The following FAM227B variants were observed in gnomAD, a reference collection of about 807,000 sequenced individuals.
FAM227B encodes protein FAM227B.
In FAM227B, 88 loss-of-function variants were observed where a neutral mutation model predicts 73.8. That is an observed-to-expected ratio of 1.19 (90% CI 1.00 to 1.42). FAM227B has a LOEUF of 1.42. Among genes scored for constraint, FAM227B ranks in the 40% most tolerant of loss-of-function variants. FAM227B has a pLI of 0.00. For synonymous variants in FAM227B, 210 were observed against 190.5 expected, an observed-to-expected ratio of 1.10 and a Z score of -0.84; for missense variants, 632 against 590.9, an observed-to-expected ratio of 1.07 and a Z score of -0.72.
chr15:49,429,439 G>A (rs2050402821), intron 11 of FAM227B, among the ~76,000 whole-genome samples: 1 of 151,932 alleles, frequency 6.6e-6, no homozygotes, highest in African/African-American at 2.4e-5. Context: ...ATTGCCACGA[G>A]TGCATCTCTT....
chr15:49,599,179 T>C (rs1182411313), intron 3 of FAM227B, among the ~76,000 whole-genome samples: 4 of 152,082 alleles, frequency 2.6e-5, no homozygotes, highest in Non-Finnish European at 4.4e-5. Context: ...GTAGGTTGTA[T>C]GTTTCAAGGA....
intron 11 of FAM227B, among the ~76,000 whole-genome samples, chr15:49,396,891 T>TG (rs1359789726): frequency 5.3e-5 from 8 of 151,834 alleles, no homozygotes; most frequent in Non-Finnish European, 7.4e-5. Context: ...ACCACAAAGA[T>TG]GGGGAAAAAA....
Position 49,587,693 on chromosome 15 carries a change from T to C in FAM227B, c.405+323A>G, listed in dbSNP as rs1051806895. On this transcript the variant is annotated intron_variant, in intron 5 of 15. Coordinates refer to ENST00000299338, the MANE Select transcript of FAM227B (RefSeq NM_152647.3). ...AAGTAAAGGTCATCAAAAAGAATTA[T>C]TAATTTTCTAAAATAAGAGGGCTGA... 2.0e-5 allele frequency among the ~76,000 whole-genome samples: 3 copies of C among 152,122 alleles called. 1 individual carries two copies. Among genetic ancestry groups the C allele is most frequent in the African/African-American group, 7.2e-5 (3 of 41,438 alleles).
chr15:49,565,611 G>A (rs2152344710), intron 9 of FAM227B, among the ~76,000 whole-genome samples: 1 of 152,198 alleles, frequency 6.6e-6, no homozygotes, highest in South Asian at 2.1e-4. Flanking sequence ...TTTAGAATTA[G>A]AAAGTCTCTT....
At chr15:49,376,723 A>C (rs11070689) in intron 11 of FAM227B, among the ~76,000 whole-genome samples, 144,985 of 152,088 alleles carry the variant, frequency 0.95, 69,178 homozygotes, top group African/African-American at 0.99. Flanking sequence ...AATATTAAAT[A>C]TTCCAATACA....
At chr15:49,416,733 C>G (rs1240806803) in intron 11 of FAM227B, among the ~76,000 whole-genome samples, 1 of 151,412 alleles carries the variant, frequency 6.6e-6, no homozygotes, top group East Asian at 1.9e-4. Context: ...AAAGCCAAAT[C>G]AGGAACACAA....
intron 11 of FAM227B, among the ~76,000 whole-genome samples, chr15:49,443,159 A>C (rs2051832160): frequency 6.6e-6 from 1 of 151,710 alleles, no homozygotes; most frequent in African/African-American, 2.4e-5. Flanking sequence ...AATTTTCAAA[A>C]ATTTTGTTAA....
intron 3 of FAM227B, among the ~76,000 whole-genome samples, chr15:49,594,357 T>C (rs1303723675): frequency 6.6e-6 from 1 of 152,184 alleles, no homozygotes; most frequent in Non-Finnish European, 1.5e-5. Context: ...ACAAAGACTT[T>C]TTTGCAACTC....
At chr15:49,524,425 C>T (rs183746651) in intron 10 of FAM227B, among the ~76,000 whole-genome samples, 17 of 152,230 alleles carry the variant, frequency 1.1e-4, no homozygotes, top group African/African-American at 3.9e-4. Context: ...TGGGAACGTC[C>T]GCCTAGATTT....
chr15:49,614,021 G>A (rs1020538880), intron 2 of FAM227B, among the ~76,000 whole-genome samples: 2 of 152,258 alleles, frequency 1.3e-5, no homozygotes, highest in South Asian at 2.1e-4. Context: ...CAAATATACA[G>A]AATCAAACTT....
At chr15:49,554,865 T>G (rs2073468551) in intron 9 of FAM227B, among the ~76,000 whole-genome samples, 1 of 152,212 alleles carries the variant, frequency 6.6e-6, no homozygotes, top group Non-Finnish European at 1.5e-5. Context: ...ATTCTGCCAT[T>G]GTGCTCTGCC....
intron 11 of FAM227B, among the ~76,000 whole-genome samples, chr15:49,418,136 A>G (rs1365549604): frequency 1.3e-5 from 2 of 152,222 alleles, no homozygotes; most frequent in African/African-American, 4.8e-5. Context: ...ATCAGTCAGA[A>G]TGGCTATTAC....
In FAM227B at chr15:49,544,461, A is replaced by C. The variant is rs146419070; in HGVS notation, c.748-2655T>G. 5.1e-4 allele frequency among the ~76,000 whole-genome samples: 77 copies of C among 152,242 alleles called. 1 individual carries two copies. The East Asian group carries it at 0.015, about 29-fold the overall frequency. On this transcript the variant is annotated intron_variant, in intron 9 of 15. Transcript: ENST00000299338. ...AATCATATCATCAGAAAACAGTGAC[A>C]GTATGACTTCCTTTTTACTCATCTG...
intron 3 of FAM227B, among the ~76,000 whole-genome samples, chr15:49,603,931 C>A (rs2077356577): frequency 1.3e-5 from 2 of 152,170 alleles, no homozygotes; most frequent in Non-Finnish European, 2.9e-5. Context: ...GTCCTTCATT[C>A]TGTTGATATG....
chr15:49,607,619 T>A (rs187954357), intron 3 of FAM227B, among the ~76,000 whole-genome samples: 1 of 152,360 alleles, frequency 6.6e-6, no homozygotes, highest in African/African-American at 2.4e-5. Flanking sequence ...AGACTTGTTA[T>A]ATCACAATCC....
At chr15:49,611,059 C>T (rs1431391339) in intron 3 of FAM227B, among the ~76,000 whole-genome samples, 156 bp downstream of exon 3, 1 of 151,964 alleles carries the variant, frequency 6.6e-6, no homozygotes, top group Non-Finnish European at 1.5e-5. Context: ...CAACATAGAG[C>T]CTACTCAAAG....
At chr15:49,361,245 T>G (rs1323539333) in intron 13 of FAM227B, among the ~76,000 whole-genome samples, 3 of 152,190 alleles carry the variant, frequency 2.0e-5, no homozygotes, top group Non-Finnish European at 4.4e-5. Flanking sequence ...GATGCAAATT[T>G]TTTTTTAACT....
chr15:49,329,184 G>A, intron 15 of FAM227B: 1 of 986,728 alleles, frequency 1.0e-6, no homozygotes, highest in Non-Finnish European at 1.2e-6. Flanking sequence ...AAGTGACTAT[G>A]AAAAGACTTA....
At chr15:49,571,910 T>C (rs548285156) in intron 8 of FAM227B, among the ~76,000 whole-genome samples, 1 of 152,148 alleles carries the variant, frequency 6.6e-6, no homozygotes, top group Non-Finnish European at 1.5e-5. Context: ...TTGTTAGGGA[T>C]TGCATTGATT....
Sources: gnomAD v4.1 joint callset for allele counts (sites outside exome capture counted in the v4.1 genomes callset) on GRCh38, gnomAD v4.1.1 for gene constraint, MANE v1.5 for transcripts, NCBI Gene and HGNC (gene_info 2026-07-23, HGNC 2026-07-21) for gene names.